FLG: variants seen among roughly 807,000 people sequenced by gnomAD.
The protein encoded by FLG is filaggrin, also known as epidermal filaggrin.
FLG carries 6 observed loss-of-function variants against 3.8 expected under a neutral mutation model. The ratio of observed to expected loss-of-function variants is 1.60; its 90% CI spans 0.87 to 3.15. The LOEUF is 3.15. Among genes scored for constraint, FLG ranks in the 30% most tolerant of loss-of-function variants. The pLI is 0.00. For missense variants in FLG, 7,595 were observed against 5,050.9 expected, an observed-to-expected ratio of 1.50 and a Z score of -15.27; for synonymous variants, 2,551 against 1,931.6, an observed-to-expected ratio of 1.32 and a Z score of -8.41.
Position 152,304,374 on chromosome 1 carries a change from C to A in FLG, c.10512G>T (p.Ser3504=). The A allele has an allele frequency of 1.2e-6, 2 of 1,611,526 alleles. No homozygotes were observed. Among genetic ancestry groups the A allele is most frequent in the Non-Finnish European group, 1.7e-6 (2 of 1,179,010 alleles). ...CCTGAGTGGAAGCTTCATGGTGATG[C>A]GACCATGAGTGCCTGGAGCCATCTC... ...QSGDGSRHSW[S]HHHEASTQAD... The change falls in exon 3 of 3, where the codon TCG becomes TCT. Residue 3504 remains serine, a synonymous_variant. Coordinates refer to ENST00000368799, the MANE Select transcript of FLG (RefSeq NM_002016.2).
Position 152,307,638 on chromosome 1 carries a change from G to T in FLG, c.7248C>A (p.Tyr2416Ter). The T allele has an allele frequency of 4.3e-6, 7 of 1,613,470 alleles. No homozygotes were observed. Among genetic ancestry groups the T allele is most frequent in the Non-Finnish European group, 5.9e-6 (7 of 1,179,850 alleles). Residue 2416 changes from tyrosine (Y) to a stop codon, truncating the protein, a stop_gained, in exon 3 of 3, where the codon TAC (tyrosine) becomes TAA (stop). Transcript: ENST00000368799. LOFTEE classifies it low-confidence loss of function (END_TRUNC). ...CAGACTGTTCATGAGTGCTCACCTG[G>T]TAGAGGAAAGACCCTGAACGTCCAG... ...GRSGRSGSFL[Y>*]QVSTHEQSES...
rs1319042094 is a variant in FLG at position 152,308,544 on chromosome 1, T to A, written c.6342A>T (p.Arg2114Ser). ...GTGCCTGATCATAATGGGATCCTTG[T>A]CTTCCTCCAGTGCTGGGCGCAGACT... ...HGQSAPSTGG[R>S]QGSHYDQAQD... Residue 2114 changes from arginine (R) to serine (S), a missense_variant, in exon 3 of 3, where the codon AGA becomes AGT. Transcript: ENST00000368799. 1.9e-6 allele frequency: 3 copies of A among 1,613,926 alleles called. No individual in the cohort carries two copies. In the African/African-American group the frequency reaches 4.0e-5, roughly 22 times the overall value.
chr1:152,311,284 T>C lies in FLG; in HGVS notation c.3602A>G (p.Gln1201Arg), dbSNP rs1652403308. The change falls in exon 3 of 3, where the codon CAG (glutamine) becomes CGG (arginine). Residue 1201 changes from glutamine (Q) to arginine (R), a missense_variant. Physicochemically the swap from Gln to Arg is conservative, Grantham distance 43. Transcript: ENST00000368799. ...CCCATGGGAGGCATCAGACCTTCCC[T>C]GGGATGTGGTGTGGCTGTGATGGGA... ...SGSHHSHTTS[Q>R]GRSDASHGQS... The C allele has an allele frequency of 6.2e-7, 1 of 1,613,726 alleles. No individual in the cohort carries two copies. The highest frequency in any genetic ancestry group is 1.7e-5 in the Admixed American group (1 of 59,968).
rs202168168 is a variant in FLG, at chr1:152,304,545, T to A, written c.10341A>T (p.Gly3447=). 1.2e-5 allele frequency: 20 copies of A among 1,606,896 alleles called. No individual in the cohort carries two copies. The highest frequency in any genetic ancestry group is 6.6e-5 in the South Asian group (6 of 90,250). ...HPGSSRRGRQ[G]SHYEQSVDRS... ...TATCTACCGATTGCTCGTAGTGGGA[T>A]CCCTGCCTTCCTCTTCTGCTTGACC... The change falls in exon 3 of 3, where the codon GGA becomes GGT. Residue 3447 remains glycine (G), a synonymous_variant. Coordinates refer to ENST00000368799, the MANE Select transcript of FLG (RefSeq NM_002016.2).
chr1:152,313,423 C>G lies in FLG; in HGVS notation c.1463G>C (p.Ser488Thr). 1 of 1,613,920 alleles carries G rather than the reference C, an allele frequency of 6.2e-7. No individual in the cohort carries two copies. ...PDSAHGRTGT[S>T]TGGRQGSHHE... ...GTGCGATCCTTGTCTTCCTCCAGTG[C>G]TGGTCCCGGTCCGTCCATGGGCAGA... Residue 488 changes from serine to threonine, a missense_variant, in exon 3 of 3, where the codon AGC becomes ACC. By Grantham distance (58) the Ser-to-Thr change is moderately conservative. Transcript: ENST00000368799.
In FLG at chr1:152,314,615, T is replaced by C. The variant is rs1489645220; in HGVS notation, c.271A>G (p.Lys91Glu). 2.5e-6 allele frequency: 4 copies of C among 1,614,078 alleles called. No individual in the cohort carries two copies. Among genetic ancestry groups the C allele is most frequent in the South Asian group, 1.1e-5 (1 of 91,086 alleles). The part of the protein sequence containing the change: ...LAQAYYESTR[K>E]ENLPISGHKH... ...TGTCCTGATATCGGTAAATTCTCTT[T>C]TCTGGTAGACTCATAATATGCTTGA... Residue 91 changes from lysine (K) to glutamate (E), a missense_variant, in exon 3 of 3, where the codon AAA (lysine) becomes GAA (glutamate). Physicochemically the swap from Lys to Glu is moderately conservative, Grantham distance 56. Coordinates refer to ENST00000368799, the MANE Select transcript of FLG (RefSeq NM_002016.2).
In FLG at chr1:152,310,315, G is replaced by C. The variant is rs1652312807; in HGVS notation, c.4571C>G (p.Pro1524Arg). 1 of 1,613,784 alleles carries C rather than the reference G, an allele frequency of 6.2e-7. No homozygotes were observed. Among genetic ancestry groups the C allele is most frequent in the Non-Finnish European group, 8.5e-7 (1 of 1,179,958 alleles). ...HSGYHHSHTT[P>R]QGRSDASHGQ... ...ATGGGAGGCATCAGACCTTCCCTGG[G>C]GTGTGGTGTGGCTGTGATGGTACCC... is the stretch of plus-strand genomic sequence containing the variant. Residue 1524 changes from proline to arginine, a missense_variant, in exon 3 of 3, where the codon CCC (proline) becomes CGC (arginine). Pro to Arg is a moderately radical substitution (Grantham distance 103). Coordinates refer to ENST00000368799, the MANE Select transcript of FLG (RefSeq NM_002016.2).
chr1:152,315,089 A>G (rs1652730898), intron 2 of FLG: 2 of 407,446 alleles, frequency 4.9e-6, no homozygotes, highest in Non-Finnish European at 8.6e-6. Flanking sequence ...ACTAAGAACT[A>G]ATTTACATTA....
Position 152,305,387 on chromosome 1 carries a change from T to A in FLG, c.9499A>T (p.Asn3167Tyr). 1 of 1,605,824 alleles carries A rather than the reference T, an allele frequency of 6.2e-7. No individual in the cohort carries two copies. The highest frequency in any genetic ancestry group is 8.5e-7 in the Non-Finnish European group (1 of 1,178,636). Residue 3167 changes from asparagine (N) to tyrosine (Y), a missense_variant, in exon 3 of 3, where the codon AAT becomes TAT. Asn to Tyr is a moderately radical substitution (Grantham distance 143, BLOSUM62 -2). Transcript: ENST00000368799. Reference sequence around the variant, plus strand: ...GAGCTGTCTCCTGATTGTTCCTCATTACGTGTTGTTCTGCTTGCACTTCTG... The same window carrying A: ...GAGCTGTCTCCTGATTGTTCCTCATAACGTGTTGTTCTGCTTGCACTTCTG... ...GSRSASRTTR[N>Y]EEQSGDSSRH...
rs748191657 is a variant in FLG at position 152,305,721 on chromosome 1, C to A, written c.9165G>T (p.Thr3055=). The A allele has an allele frequency of 7.8e-7, 1 of 1,284,406 alleles. No individual in the cohort carries two copies. The highest frequency in any genetic ancestry group is 1.0e-6 in the Non-Finnish European group (1 of 962,050). The allele number at this position is 1,284,406 out of a possible 1,614,324, so 79.6% of individuals were successfully genotyped here. A position where few individuals can be genotyped will look rare whatever the true frequency, so the allele number is the denominator to read the frequency against. ...QESARGRSGE[T]SGHSGSFLYQ... Reference sequence around the variant, plus strand: ...AGAGGAAAGATCCTGAATGTCCAGACGTTTCCCCTGACCGGCCACGTGCGG... The same window carrying A: ...AGAGGAAAGATCCTGAATGTCCAGAAGTTTCCCCTGACCGGCCACGTGCGG... The change falls in exon 3 of 3, where the codon ACG becomes ACT. Residue 3055 remains threonine, a synonymous_variant. Coordinates refer to ENST00000368799, the MANE Select transcript of FLG (RefSeq NM_002016.2).
At position 152,302,612 on chromosome 1, in the gene FLG, T is replaced by C; in HGVS notation, c.*88A>G. On this transcript the variant is annotated 3_prime_UTR_variant, in exon 3 of 3. Coordinates refer to ENST00000368799, the MANE Select transcript of FLG (RefSeq NM_002016.2). ...AAACAGATTGACAGGAAAAGATAAC[T>C]TCCCTGAAAGTATTATGAAGTTTCT... 6.5e-7 allele frequency: 1 copy of C among 1,529,796 alleles called. No homozygotes were observed. Among genetic ancestry groups the C allele is most frequent in the Non-Finnish European group, 8.8e-7 (1 of 1,132,882 alleles). The allele number at this position is 1,529,796 out of a possible 1,614,324, so 94.8% of individuals were successfully genotyped here.
Position 152,303,326 on chromosome 1 carries a change from T to C in FLG, c.11560A>G (p.Arg3854Gly), listed in dbSNP as rs1168432529. 6 of 1,614,156 alleles carry C rather than the reference T, an allele frequency of 3.7e-6. No individual in the cohort carries two copies. In the East Asian group the frequency reaches 6.7e-5, roughly 18 times the overall value. The change falls in exon 3 of 3, where the codon AGG (arginine) becomes GGG (glycine). Residue 3854 changes from arginine to glycine, a missense_variant. Coordinates refer to ENST00000368799, the MANE Select transcript of FLG (RefSeq NM_002016.2). ...CTGGATCCCTGGCGCCTGCTTCTCCTGGACCCCGCTGATTCACCCTGGCCG... is the reference window on the plus strand; with the variant it reads ...CTGGATCCCTGGCGCCTGCTTCTCCCGGACCCCGCTGATTCACCCTGGCCG... ...QSGQGESAGSRRSRRQGSSVS... is the reference protein window; with the variant it reads ...QSGQGESAGSGRSRRQGSSVS...
Position 152,303,709 on chromosome 1 carries a change from C to A in FLG, c.11177G>T (p.Arg3726Leu). The change falls in exon 3 of 3, where the codon CGG becomes CTG. Residue 3726 changes from arginine (R) to leucine (L), a missense_variant. Physicochemically the swap from Arg to Leu is moderately radical, Grantham distance 102. Coordinates refer to ENST00000368799, the MANE Select transcript of FLG (RefSeq NM_002016.2). ...TCTTCCTCCAGTACTGGGCCCAGCC[C>A]GTCCATGGGCAGACTCAGACTGTTC... ...THEQSESAHG[R>L]AGPSTGGRQG... 1 of 1,613,946 alleles carries A rather than the reference C, an allele frequency of 6.2e-7. No homozygotes were observed. Among genetic ancestry groups the A allele is most frequent in the Non-Finnish European group, 8.5e-7 (1 of 1,179,970 alleles).
rs1651756566 is a variant in FLG at position 152,303,849 on chromosome 1, C to T, written c.11037G>A (p.Val3679=). 10 of 1,613,764 alleles carry T rather than the reference C, an allele frequency of 6.2e-6. No individual in the cohort carries two copies. The South Asian group carries it at 1.1e-4, about 18-fold the overall frequency. Residue 3679 remains valine (V), a synonymous_variant, in exon 3 of 3, where the codon GTG becomes GTA. Transcript: ENST00000368799. The part of the protein sequence containing the change: ...GHSEDSDTQS[V]SAHGQAGPHQ... ...GGGGCCCAGCCTGTCCGTGGGCTGA[C>T]ACTGACTGTGTGTCTGAGTCTTCTG...
At position 152,313,648 on chromosome 1, in the gene FLG, C is replaced by T; in HGVS notation, c.1238G>A (p.Gly413Glu). The T allele has an allele frequency of 6.2e-7, 1 of 1,613,778 alleles. No homozygotes were observed. The highest frequency in any genetic ancestry group is 8.5e-7 in the Non-Finnish European group (1 of 1,179,964). ...CTGACTACCGCTAGACCCCCGGTGT[C>T]CACGATCGCTGACTGCAGATGAAGC... ...GQASSAVSDR[G>E]HRGSSGSQAS... Residue 413 changes from glycine to glutamate, a missense_variant, in exon 3 of 3, where the codon GGA becomes GAA. Gly to Glu is a moderately conservative substitution (Grantham distance 98, BLOSUM62 -2). Transcript: ENST00000368799.
chr1:152,303,083 A>G lies in FLG; in HGVS notation c.11803T>C (p.Ser3935Pro), dbSNP rs3126065. The change falls in exon 3 of 3, where the codon TCA (serine) becomes CCA (proline). Residue 3935 changes from serine to proline, a missense_variant. By Grantham distance (74) the Ser-to-Pro change is moderately conservative. Coordinates refer to ENST00000368799, the MANE Select transcript of FLG (RefSeq NM_002016.2). ...CCTGAGTGATACGCAGAATCTTGTG[A>G]AAGACTACTAAAGTGACCATGTTCC... ...AKEHGHFSSL[S>P]QDSAYHSGIQ... 29,527 of 1,614,054 alleles carry G rather than the reference A, an allele frequency of 0.018. 4,622 individuals carry two copies. The African/African-American group carries it at 0.35, about 19-fold the overall frequency.
At chr1:152,324,387 C>T (rs6587666) in intron 1 of FLG, among the ~76,000 whole-genome samples, 30,724 of 151,832 alleles carry the variant, frequency 0.2, 4,079 homozygotes, top group East Asian at 0.6. Flanking sequence ...CTCTTTTTAA[C>T]TATGTATGCT....
rs955204280 is a variant in FLG, at chr1:152,313,262, A to G, written c.1624T>C (p.Ser542Pro). The change falls in exon 3 of 3, where the codon TCA becomes CCA. Residue 542 changes from serine (S) to proline (P), a missense_variant. By Grantham distance (74) the Ser-to-Pro change is moderately conservative. Coordinates refer to ENST00000368799, the MANE Select transcript of FLG (RefSeq NM_002016.2). Reference sequence around the variant, plus strand: ...GTGGTGTGGCTGTGATGGGAACCTGAGTGTCCAGACCTATTTACCGATTGC... The same window carrying G: ...GTGGTGTGGCTGTGATGGGAACCTGGGTGTCCAGACCTATTTACCGATTGC... ...HEQSVNRSGH[S>P]GSHHSHTTSQ... The G allele has an allele frequency of 6.2e-7, 1 of 1,613,610 alleles. No homozygotes were observed. Among genetic ancestry groups the G allele is most frequent in the Non-Finnish European group, 8.5e-7 (1 of 1,179,974 alleles).
rs1651937264 is a variant in FLG at position 152,306,017 on chromosome 1, T to A, written c.8869A>T (p.Thr2957Ser). ...SRQSGTRHTQ[T>S]SSGGQAASSH... Reference sequence around the variant, plus strand: ...GATGCAGCCTGTCCACCAGAGGAAGTCTGTGTGTGACGAGTGCCTGATTGT... The same window carrying A: ...GATGCAGCCTGTCCACCAGAGGAAGACTGTGTGTGACGAGTGCCTGATTGT... Residue 2957 changes from threonine (T) to serine (S), a missense_variant, in exon 3 of 3, where the codon ACT becomes TCT. Coordinates refer to ENST00000368799, the MANE Select transcript of FLG (RefSeq NM_002016.2). 2 of 1,587,204 alleles carry A rather than the reference T, an allele frequency of 1.3e-6. No individual in the cohort carries two copies. Among genetic ancestry groups the A allele is most frequent in the Non-Finnish European group, 1.7e-6 (2 of 1,175,558 alleles).
Sources: gnomAD v4.1 joint callset for allele counts (sites outside exome capture counted in the v4.1 genomes callset) on GRCh38, gnomAD v4.1.1 for gene constraint, MANE v1.5 for transcripts, NCBI Gene and HGNC (gene_info 2026-07-23, HGNC 2026-07-21) for gene names.